C2orf49: variants seen among roughly 807,000 people sequenced by gnomAD.
C2orf49 encodes tRNA splicing ligase complex subunit 2, also known as tRNA-splicing ligase complex subunit ASW.
A neutral mutation model predicts 20.6 loss-of-function variants in C2orf49; 11 were observed. That is an observed-to-expected ratio of 0.53 (90% CI 0.34 to 0.88). The LOEUF is 0.88. C2orf49 is among the 40% of genes least tolerant of loss of function. C2orf49 has a pLI of 0.02. For missense variants in C2orf49, 289 were observed against 274.2 expected (o/e 1.05, Z -0.38); for synonymous variants, 134 against 108.5 (o/e 1.24, Z -1.46).
the C2orf49 span, chr2:105,378,070 G>A: frequency 4.2e-6 from 2 of 471,114 alleles, no homozygotes; most frequent in African/African-American, 4.0e-5. Flanking sequence ...CACAGCCAGT[G>A]CTCCGGTCAT....
At chr2:105,342,094 C>T (rs1024504677) in intron 2 of C2orf49, among the ~76,000 whole-genome samples, 1 of 152,212 alleles carries the variant, frequency 6.6e-6, no homozygotes, top group African/African-American at 2.4e-5. Flanking sequence ...GTCACTTGAA[C>T]CTGGGAGGCA....
chr2:105,354,937 A>G, the C2orf49 span, among the ~76,000 whole-genome samples: 1 of 152,186 alleles, frequency 6.6e-6, no homozygotes, highest in African/African-American at 2.4e-5. Context: ...CTGGGAAAAA[A>G]CATGGGTTTT....
At chr2:105,365,717 T>C in the C2orf49 span, among the ~76,000 whole-genome samples, 11 of 150,198 alleles carry the variant, frequency 7.3e-5, no homozygotes, top group African/African-American at 2.4e-4. Context: ...TGGTGGCACC[T>C]GCCTGTAATC....
rs968354386 is a variant in C2orf49, at chr2:105,347,265, A to G, written c.*1894A>G. 2 of 152,238 alleles carry G rather than the reference A, an allele frequency of 1.3e-5. No individual in the cohort carries two copies. Among genetic ancestry groups the G allele is most frequent in the Non-Finnish European group, 2.9e-5 (2 of 68,042 alleles). The allele number at this position is 152,238 out of a possible 1,614,324, so 9.4% of individuals were successfully genotyped here. A position where few individuals can be genotyped will look rare whatever the true frequency, so the allele number is the denominator to read the frequency against. On this transcript the variant is annotated 3_prime_UTR_variant, in exon 4 of 4. Transcript: ENST00000258457. ...TTGGTGGGCAACTGTGATCCTATAC[A>G]TACATATATGCAAAAGGGGATTTTA... is the stretch of plus-strand genomic sequence containing the variant.
At chr2:105,338,740 T>TA (rs1679576392) in intron 1 of C2orf49, among the ~76,000 whole-genome samples, 1 of 152,184 alleles carries the variant, frequency 6.6e-6, no homozygotes, top group Non-Finnish European at 1.5e-5. Context: ...TGTGCTTTTA[T>TA]TAGTTTTTGT....
chr2:105,352,621 C>T (rs1269681110), downstream of C2orf49, among the ~76,000 whole-genome samples: 1 of 151,236 alleles, frequency 6.6e-6, no homozygotes, highest in South Asian at 2.1e-4. Context: ...ATTTTTTGTA[C>T]GTTTAGTAGA....
chr2:105,354,681 A>G, the C2orf49 span, among the ~76,000 whole-genome samples: 4 of 152,066 alleles, frequency 2.6e-5, no homozygotes, highest in Non-Finnish European at 5.9e-5. Context: ...AAAAAAAATT[A>G]AAAAAGAATT....
At chr2:105,383,778 C>A in the C2orf49 span, among the ~76,000 whole-genome samples, 2 of 152,232 alleles carry the variant, frequency 1.3e-5, no homozygotes, top group South Asian at 2.1e-4. Flanking sequence ...ACAAACCCAA[C>A]TACCCGATTA....
chr2:105,339,813 G>T lies in C2orf49; in HGVS notation c.266+64G>T, dbSNP rs563879229. Reference sequence around the variant, plus strand: ...TAACTAAAGTTATATATAAGTTATTGATTTTTCCTGAGATAAACTTAAGTA... The same window carrying T: ...TAACTAAAGTTATATATAAGTTATTTATTTTTCCTGAGATAAACTTAAGTA... On this transcript the variant is annotated intron_variant, in intron 2 of 3. Coordinates refer to ENST00000258457, the MANE Select transcript of C2orf49 (RefSeq NM_024093.3). The T allele has an allele frequency of 3.9e-4, 535 of 1,355,560 alleles. 8 individuals carry two copies. The South Asian group carries it at 8.4e-3, about 21-fold the overall frequency. 84.0% of individuals were successfully genotyped at this position (1,355,560 alleles called of 1,614,324 possible). A position where few individuals can be genotyped will look rare whatever the true frequency, so the allele number is the denominator to read the frequency against.
At chr2:105,379,274 A>G in the C2orf49 span, among the ~76,000 whole-genome samples, 1 of 152,194 alleles carries the variant, frequency 6.6e-6, no homozygotes, top group Non-Finnish European at 1.5e-5. Context: ...CAATTGCTCA[A>G]TGGATGTTAG....
chr2:105,380,399 A>G, the C2orf49 span, among the ~76,000 whole-genome samples: 1 of 152,004 alleles, frequency 6.6e-6, no homozygotes, highest in Non-Finnish European at 1.5e-5. Flanking sequence ...TCTATCTATC[A>G]TCTATCTGTT....
Position 105,349,137 on chromosome 2 carries a change from G to A in C2orf49, c.*3766G>A, listed in dbSNP as rs1050124954. On this transcript the variant is annotated 3_prime_UTR_variant, in exon 4 of 4. Transcript: ENST00000258457. ...TTATGTTAGAGTGATCTGAAAAAAA[G>A]TTAATTTCTAAACTGCTATCTTAAT... is the stretch of plus-strand genomic sequence containing the variant. The A allele has an allele frequency of 3.3e-5, 5 of 152,184 alleles. No homozygotes were observed. Among genetic ancestry groups the A allele is most frequent in the Admixed American group, 2.0e-4 (3 of 15,278 alleles). 9.4% of individuals were successfully genotyped at this position (152,184 alleles called of 1,614,324 possible).
At chr2:105,354,637 G>T in the C2orf49 span, among the ~76,000 whole-genome samples, 1 of 150,756 alleles carries the variant, frequency 6.6e-6, no homozygotes, top group Non-Finnish European at 1.5e-5. Flanking sequence ...TTGCACTCCA[G>T]CCTGGGCGAC....
the C2orf49 span, among the ~76,000 whole-genome samples, chr2:105,355,747 T>C: frequency 1.8e-4 from 27 of 151,382 alleles, no homozygotes; most frequent in Non-Finnish European, 3.1e-4. Context: ...AGTTCTAAGT[T>C]ATATAGCTCA....
chr2:105,367,816 C>A, the C2orf49 span: 1 of 1,448,592 alleles, frequency 6.9e-7, no homozygotes, highest in East Asian at 2.3e-5. Flanking sequence ...GCCTTCAGAG[C>A]TTGCTGCCCT....
the C2orf49 span, chr2:105,367,661 C>T: frequency 6.2e-7 from 1 of 1,614,168 alleles, no homozygotes; most frequent in Non-Finnish European, 8.5e-7. Flanking sequence ...ACTCTTGGTT[C>T]CAATTGGCTG....
At chr2:105,360,690 G>C in the C2orf49 span, 1 of 152,346 alleles carries the variant, frequency 6.6e-6, no homozygotes, top group African/African-American at 2.4e-5. Context: ...TGCTGTTCCA[G>C]TTGGCAATGC....
chr2:105,375,833 G>C, the C2orf49 span: 1 of 152,222 alleles, frequency 6.6e-6, no homozygotes, highest in Non-Finnish European at 1.5e-5. Context: ...CTGGGAGTTG[G>C]GGGCAGAGGG....
chr2:105,346,296 G>C lies in C2orf49; in HGVS notation c.*925G>C, dbSNP rs1247971078. The C allele has an allele frequency of 1.3e-5, 2 of 152,124 alleles. No individual in the cohort carries two copies. Among genetic ancestry groups the C allele is most frequent in the Non-Finnish European group, 2.9e-5 (2 of 68,016 alleles). 9.4% of individuals were successfully genotyped at this position (152,124 alleles called of 1,614,324 possible). A position where few individuals can be genotyped will look rare whatever the true frequency, so the allele number is the denominator to read the frequency against. On this transcript the variant is annotated 3_prime_UTR_variant, in exon 4 of 4. Coordinates refer to ENST00000258457, the MANE Select transcript of C2orf49 (RefSeq NM_024093.3). ...AAAAAGCAAAAAGGAATCAGTGCTT[G>C]CTATTGCTCCTTTCCTTGAAGTTGT...
Sources: gnomAD v4.1 joint callset for allele counts (sites outside exome capture counted in the v4.1 genomes callset) on GRCh38, gnomAD v4.1.1 for gene constraint, MANE v1.5 for transcripts, NCBI Gene and HGNC (gene_info 2026-07-23, HGNC 2026-07-21) for gene names.